The following MAP3K20 variants were observed in gnomAD, a reference collection of about 807,000 sequenced individuals.
MAP3K20 encodes mitogen-activated protein kinase kinase kinase 20.
In MAP3K20, 40 loss-of-function variants were observed where a neutral mutation model predicts 85.7. The ratio of observed to expected loss-of-function variants is 0.47; its 90% CI spans 0.36 to 0.61. The LOEUF is 0.61. Among genes scored for constraint, MAP3K20 ranks in the 20% least tolerant of loss-of-function variants. MAP3K20 has a pLI of 0.00. For synonymous variants in MAP3K20, 325 were observed against 327.7 expected, an observed-to-expected ratio of 0.99 and a Z score of 0.09; for missense variants, 817 against 961.7, an observed-to-expected ratio of 0.85 and a Z score of 1.99.
At chr2:173,122,709 A>C (rs748087641) in intron 2 of MAP3K20, among the ~76,000 whole-genome samples, 3 of 152,190 alleles carry the variant, frequency 2.0e-5, no homozygotes, top group Admixed American at 1.3e-4. Flanking sequence ...AGTAAACTGC[A>C]TACTGATTTC....
At chr2:173,222,793 T>C (rs1443497272) in intron 11 of MAP3K20, 1 of 985,312 alleles carries the variant, frequency 1.0e-6, no homozygotes, top group East Asian at 1.1e-4. Flanking sequence ...GTTTTAGAAG[T>C]AGATACAGGC....
chr2:173,179,783 A>G (rs1690272662), intron 3 of MAP3K20, among the ~76,000 whole-genome samples: 9 of 151,994 alleles, frequency 5.9e-5, no homozygotes, highest in Admixed American at 5.9e-4. Flanking sequence ...GGGTCACAGG[A>G]TGCAAGATCA....
chr2:173,176,039 A>G (rs1337938417), intron 3 of MAP3K20, among the ~76,000 whole-genome samples: 1 of 152,194 alleles, frequency 6.6e-6, no homozygotes, highest in Non-Finnish European at 1.5e-5. Context: ...TAAAGAGGTT[A>G]GCGAGATATA....
In MAP3K20 at chr2:173,232,229, G is replaced by A. The variant is rs777925285; in HGVS notation, c.1063+7G>A. ...CAGCAGCTCGTCAGAAAAGGCAAGT[G>A]GAATAAGTTACCTTCTTCAATCATG... On this transcript the variant is annotated splice_region_variant and intron_variant, in intron 13 of 19. Coordinates refer to ENST00000375213, the MANE Select transcript of MAP3K20 (RefSeq NM_016653.3). 5.6e-6 allele frequency: 9 copies of A among 1,614,148 alleles called. No individual in the cohort carries two copies. Among genetic ancestry groups the A allele is most frequent in the Non-Finnish European group, 7.6e-6 (9 of 1,180,028 alleles).
At chr2:173,164,774 T>A (rs1049284999) in intron 2 of MAP3K20, among the ~76,000 whole-genome samples, 1 of 152,236 alleles carries the variant, frequency 6.6e-6, no homozygotes, top group Non-Finnish European at 1.5e-5. Context: ...ATATTTAACT[T>A]CTTTTAATAT....
intron 2 of MAP3K20, among the ~76,000 whole-genome samples, chr2:173,144,317 G>T (rs1689063427): frequency 6.6e-6 from 1 of 151,784 alleles, no homozygotes; most frequent in African/African-American, 2.4e-5. Flanking sequence ...CAAAAAATTA[G>T]CCGGGCGTGG....
chr2:173,115,288 T>C (rs545044781), intron 2 of MAP3K20, among the ~76,000 whole-genome samples: 1 of 152,210 alleles, frequency 6.6e-6, no homozygotes, highest in Non-Finnish European at 1.5e-5. Context: ...TTATCTATTT[T>C]CTTGAATATT....
At chr2:173,079,103 A>G (rs1332782469) in intron 1 of MAP3K20, among the ~76,000 whole-genome samples, 2 of 152,126 alleles carry the variant, frequency 1.3e-5, no homozygotes, top group Admixed American at 6.5e-5. Flanking sequence ...GTGCACCTAC[A>G]CAAACCTAGA....
At chr2:173,187,495 A>G in intron 4 of MAP3K20, 63 bp from the exon 5 acceptor site, 1 of 1,374,888 alleles carries the variant, frequency 7.3e-7, no homozygotes, top group Non-Finnish European at 1.0e-6. Flanking sequence ...AAAACTATGA[A>G]AGGTAATACT....
intron 10 of MAP3K20, chr2:173,214,223 G>A (rs1684002087): frequency 1.3e-5 from 2 of 152,156 alleles, no homozygotes; most frequent in African/African-American, 4.8e-5. Context: ...AAAATCTAGT[G>A]TCAGACTTTT....
intron 2 of MAP3K20, among the ~76,000 whole-genome samples, chr2:173,100,004 G>A (rs1020924676): frequency 1.3e-5 from 2 of 152,228 alleles, no homozygotes; most frequent in Admixed American, 1.3e-4. Flanking sequence ...CAGAACAGCA[G>A]CTAGATGTCA....
chr2:173,076,204 A>G (rs1204019691), intron 1 of MAP3K20, among the ~76,000 whole-genome samples: 1 of 151,440 alleles, frequency 6.6e-6, no homozygotes, highest in Non-Finnish European at 1.5e-5. Flanking sequence ...CGGGCGAGCG[A>G]GCGAGCGTTC....
At position 173,191,171 on chromosome 2, in the gene MAP3K20, T is replaced by C. The variant is rs1161302211; in HGVS notation, c.576T>C (p.Tyr192=). 1.2e-6 allele frequency: 2 copies of C among 1,612,568 alleles called. No homozygotes were observed. Among genetic ancestry groups the C allele is most frequent in the African/African-American group, 1.3e-5 (1 of 75,004 alleles). The change falls in exon 7 of 20, where the codon TAT becomes TAC. Residue 192 remains tyrosine (Y), a synonymous_variant. Transcript: ENST00000375213. ...CAGAAACTTGTGACACATATTCCTA[T>C]GGTGTGGTGAGTTCATTTCTCATTT... ...PVSETCDTYS[Y]GVVLWEMLTR...
intron 2 of MAP3K20, among the ~76,000 whole-genome samples, chr2:173,094,914 A>G (rs1574007310): frequency 6.6e-6 from 1 of 152,142 alleles, no homozygotes; most frequent in Non-Finnish European, 1.5e-5. Context: ...AGCTAAGTAA[A>G]TATCTTTCCT....
chr2:173,246,186 C>G (rs1174398861), intron 16 of MAP3K20, among the ~76,000 whole-genome samples: 28 of 152,140 alleles, frequency 1.8e-4, no homozygotes, highest in Admixed American at 1.8e-3. Flanking sequence ...AACTCCTCAC[C>G]AGAGGCTCCA....
intron 1 of MAP3K20, among the ~76,000 whole-genome samples, chr2:173,078,682 T>G (rs1686932945): frequency 6.6e-6 from 1 of 152,220 alleles, no homozygotes; most frequent in Admixed American, 6.5e-5. Context: ...TTTGACACCC[T>G]AACCCCAGTG....
chr2:173,238,567 A>G (rs1248473823), intron 15 of MAP3K20, 132 bp downstream of exon 15: 5 of 782,788 alleles, frequency 6.4e-6, no homozygotes, highest in Non-Finnish European at 1.0e-5. Context: ...GTCTAACAAA[A>G]GGCCCTTTGA....
chr2:173,099,262 C>CTT (rs759567588), intron 2 of MAP3K20, among the ~76,000 whole-genome samples: 1 of 142,456 alleles, frequency 7.0e-6, no homozygotes, highest in Non-Finnish European at 1.5e-5. Context: ...ACTTTCCGGC[C>CTT]TTTTTTTTTT....
chr2:173,249,904 T>C (rs899535730), intron 16 of MAP3K20, among the ~76,000 whole-genome samples: 3 of 152,206 alleles, frequency 2.0e-5, no homozygotes, highest in African/African-American at 7.2e-5. Context: ...TTTCACTTTA[T>C]TTTAACATCA....
Sources: gnomAD v4.1 joint callset for allele counts (sites outside exome capture counted in the v4.1 genomes callset) on GRCh38, gnomAD v4.1.1 for gene constraint, MANE v1.5 for transcripts, NCBI Gene and HGNC (gene_info 2026-07-23, HGNC 2026-07-21) for gene names.